The following DCLK2 variants were observed in gnomAD, a reference collection of about 807,000 sequenced individuals.
DCLK2 encodes doublecortin like kinase 2.
DCLK2 carries 31 observed loss-of-function variants against 78.4 expected under a neutral mutation model. The observed-to-expected ratio is 0.40, with a 90% CI of 0.30 to 0.53. The LOEUF is 0.53. Ranked by LOEUF, DCLK2 falls within the 20% of genes least tolerant of loss-of-function variation. DCLK2 has a pLI of 0.61. For synonymous variants in DCLK2, 407 were observed against 374.9 expected, an observed-to-expected ratio of 1.09 and a Z score of -0.99; for missense variants, 872 against 973.7, an observed-to-expected ratio of 0.90 and a Z score of 1.39.
chr4:150,079,909 G>A (rs1729122653), intron 1 of DCLK2, among the ~76,000 whole-genome samples: 1 of 152,140 alleles, frequency 6.6e-6, no homozygotes, highest in Non-Finnish European at 1.5e-5. Context: ...AAATGCTCTA[G>A]GTTGGCTTTC....
intron 2 of DCLK2, among the ~76,000 whole-genome samples, chr4:150,147,441 C>A (rs1181928338): frequency 6.6e-6 from 1 of 151,984 alleles, no homozygotes; most frequent in Non-Finnish European, 1.5e-5. Flanking sequence ...AAAGACCAGA[C>A]CAAAATCATT....
intron 10 of DCLK2, among the ~76,000 whole-genome samples, chr4:150,235,692 A>G (rs1004848142): frequency 6.6e-6 from 1 of 152,214 alleles, no homozygotes; most frequent in Non-Finnish European, 1.5e-5. Context: ...GGCAGTTTCT[A>G]GATTTAGTCA....
chr4:150,216,658 A>C (rs573462318), intron 5 of DCLK2, among the ~76,000 whole-genome samples: 1 of 152,222 alleles, frequency 6.6e-6, no homozygotes, highest in East Asian at 1.9e-4. Context: ...AGTTATTAGC[A>C]GAAGAGGATT....
At chr4:150,123,605 T>C (rs1340318683) in intron 2 of DCLK2, among the ~76,000 whole-genome samples, 1 of 152,212 alleles carries the variant, frequency 6.6e-6, no homozygotes, top group Non-Finnish European at 1.5e-5. Flanking sequence ...GGAAAAATGA[T>C]GCCAGCGAAC....
In DCLK2 at chr4:150,118,318, A is replaced by T. The variant is rs188484937; in HGVS notation, c.756+15506A>T. 1.2e-4 allele frequency among the ~76,000 whole-genome samples: 18 copies of T among 152,316 alleles called. 1 individual carries two copies. The highest frequency in any genetic ancestry group is 9.8e-4 in the Admixed American group (15 of 15,306). On this transcript the variant is annotated intron_variant, in intron 2 of 15. Transcript: ENST00000296550. ...TTCACTTGGTGTTTACCAGATAAAA[A>T]ACCTGTGTAATAAGTTGTGTTGCAA...
rs182654859 is a variant in DCLK2, at chr4:150,221,583, A to G, written c.1133-94A>G. Reference sequence around the variant, plus strand: ...ATTTAGTTTCACCATAGATTTAGAAATAAATGCATCGCAGTTTACTATTTT... The same window carrying G: ...ATTTAGTTTCACCATAGATTTAGAAGTAAATGCATCGCAGTTTACTATTTT... On this transcript the variant is annotated intron_variant, in intron 6 of 15. Coordinates refer to ENST00000296550, the MANE Select transcript of DCLK2 (RefSeq NM_001040260.4). 343 of 723,402 alleles carry G rather than the reference A, an allele frequency of 4.7e-4. 1 individual carries two copies. The African/African-American group carries it at 6.0e-3, about 13-fold the overall frequency. 44.8% of individuals were successfully genotyped at this position (723,402 alleles called of 1,614,324 possible). A position where few individuals can be genotyped will look rare whatever the true frequency, so the allele number is the denominator to read the frequency against.
At chr4:150,117,751 A>T (rs1386505997) in intron 2 of DCLK2, among the ~76,000 whole-genome samples, 3 of 151,938 alleles carry the variant, frequency 2.0e-5, no homozygotes, top group Non-Finnish European at 4.4e-5. Context: ...ATAGTTTTCC[A>T]CCTGGCTCAT....
intron 8 of DCLK2, among the ~76,000 whole-genome samples, chr4:150,231,796 A>G (rs1742091956): frequency 6.6e-6 from 1 of 152,232 alleles, no homozygotes. Context: ...ATGATTTCAT[A>G]TCCAGTCATA....
rs544917978 is a variant in DCLK2 at position 150,112,480 on chromosome 4, T to G, written c.756+9668T>G. 8.5e-5 allele frequency among the ~76,000 whole-genome samples: 13 copies of G among 152,246 alleles called. No homozygotes were observed. The South Asian group carries it at 2.7e-3, about 32-fold the overall frequency. On this transcript the variant is annotated intron_variant, in intron 2 of 15. Coordinates refer to ENST00000296550, the MANE Select transcript of DCLK2 (RefSeq NM_001040260.4). ...CTGTATTGAATAGAAGTGGTAAAAGTAGGCATTGTTGTCCTGTTCCAGTTC... is the reference window on the plus strand; with the variant it reads ...CTGTATTGAATAGAAGTGGTAAAAGGAGGCATTGTTGTCCTGTTCCAGTTC...
At chr4:150,227,133 C>CT (rs1054210336) in intron 8 of DCLK2, among the ~76,000 whole-genome samples, 1 of 152,146 alleles carries the variant, frequency 6.6e-6, no homozygotes, top group Admixed American at 6.5e-5. Flanking sequence ...TGACCTGTGA[C>CT]TGGAATTTTG....
At chr4:150,190,967 A>T (rs1399527372) in intron 2 of DCLK2, among the ~76,000 whole-genome samples, 3 of 152,060 alleles carry the variant, frequency 2.0e-5, no homozygotes, top group African/African-American at 7.2e-5. Flanking sequence ...ATAAATAAAT[A>T]AATTAAGATT....
chr4:150,177,386 A>C (rs973834765), intron 2 of DCLK2, among the ~76,000 whole-genome samples: 1 of 152,152 alleles, frequency 6.6e-6, no homozygotes, highest in Non-Finnish European at 1.5e-5. Context: ...CCCAAATGTC[A>C]AGCATTTGCT....
At chr4:150,190,228 T>TGGATAGAC in intron 2 of DCLK2, among the ~76,000 whole-genome samples, 1 of 103,968 alleles carries the variant, frequency 9.6e-6, no homozygotes, top group Non-Finnish European at 2.2e-5. Flanking sequence ...GATGGATAGA[T>TGGATAGAC]GGATAGTTAG....
At chr4:150,237,985 C>T (rs1197102739) in intron 10 of DCLK2, among the ~76,000 whole-genome samples, 1 of 152,156 alleles carries the variant, frequency 6.6e-6, no homozygotes, top group African/African-American at 2.4e-5. Context: ...TTGAATTATG[C>T]TGTCATACGC....
rs1741124106 is a variant in DCLK2, at chr4:150,220,728, CTTCCAA to C, written c.1084_1089del (p.Ser362_Asn363del). ...CAGATTTCTGCTCATGGCAGATCTTCTTCCAATGTAAACGGTGGACCTGAGCTTGAC... is the reference window on the plus strand; with the variant it reads ...CAGATTTCTGCTCATGGCAGATCTTCTGTAAACGGTGGACCTGAGCTTGAC... On this transcript the variant is annotated inframe_deletion, in exon 6 of 16. Transcript: ENST00000296550. 1 of 1,613,712 alleles carries C rather than the reference CTTCCAA, an allele frequency of 6.2e-7. No homozygotes were observed. Among genetic ancestry groups the C allele is most frequent in the Non-Finnish European group, 8.5e-7 (1 of 1,179,868 alleles).
chr4:150,194,022 G>GACACACACACACACACACAC (rs58179559), intron 3 of DCLK2, among the ~76,000 whole-genome samples: 5 of 133,782 alleles, frequency 3.7e-5, no homozygotes, highest in South Asian at 3.0e-4. Flanking sequence ...AAAGTGCTGG[G>GACACACACACACACACACAC]ACACACACAC....
At chr4:150,157,549 C>G (rs1349705343) in intron 2 of DCLK2, among the ~76,000 whole-genome samples, 3 of 147,834 alleles carry the variant, frequency 2.0e-5, no homozygotes, top group Non-Finnish European at 3.0e-5. Flanking sequence ...GTCTCTCTCT[C>G]TTGTTCAGGC....
At chr4:150,146,830 T>C (rs1200685595) in intron 2 of DCLK2, among the ~76,000 whole-genome samples, 1 of 151,534 alleles carries the variant, frequency 6.6e-6, no homozygotes, top group Non-Finnish European at 1.5e-5. Context: ...AGTCATAGAG[T>C]GAAGATAGGG....
intron 2 of DCLK2, among the ~76,000 whole-genome samples, chr4:150,114,467 TTTC>T (rs1390048725): frequency 4.6e-5 from 7 of 152,198 alleles, no homozygotes; most frequent in African/African-American, 1.7e-4. Flanking sequence ...CTTAGATACT[TTTC>T]TTCATCGTGG....
Sources: gnomAD v4.1 joint callset for allele counts (sites outside exome capture counted in the v4.1 genomes callset) on GRCh38, gnomAD v4.1.1 for gene constraint, MANE v1.5 for transcripts, NCBI Gene and HGNC (gene_info 2026-07-23, HGNC 2026-07-21) for gene names.